The following GABPB2 variants were observed in gnomAD, a reference collection of about 807,000 sequenced individuals.
GABPB2 encodes GA binding protein transcription factor subunit beta 2, also known as GA-binding protein subunit beta-2.
GABPB2 carries 23 observed loss-of-function variants against 39.1 expected under a neutral mutation model. That is an observed-to-expected ratio of 0.59 (90% CI 0.42 to 0.83). GABPB2 has a LOEUF of 0.83. Among genes scored for constraint, GABPB2 ranks in the 40% least tolerant of loss-of-function variants. The probability of loss-of-function intolerance (pLI) is 0.00; values close to 1 mark genes in which losing one functional copy is unlikely to be tolerated. For missense variants in GABPB2, 467 were observed against 541.1 expected, an observed-to-expected ratio of 0.86 and a Z score of 1.36; for synonymous variants, 184 against 199.3, an observed-to-expected ratio of 0.92 and a Z score of 0.65.
At chr1:151,093,106 T>C (rs1678845819) in intron 3 of GABPB2, 86 bp from the exon 4 acceptor site, 4 of 1,057,954 alleles carry the variant, frequency 3.8e-6, no homozygotes, top group African/African-American at 1.6e-5. Flanking sequence ...GTAATCTCTA[T>C]GGAAATCCTC....
intron 7 of GABPB2, among the ~76,000 whole-genome samples, chr1:151,111,563 C>T (rs935074665): frequency 3.3e-5 from 5 of 152,016 alleles, no homozygotes; most frequent in Non-Finnish European, 5.9e-5. Flanking sequence ...GCTGGGACTA[C>T]AGGCGCCTGC....
rs925281448 is a variant in GABPB2 at position 151,095,326 on chromosome 1, AAGTT to A, written c.471+1943_471+1946del. ...TGGGAGTGGCAGATGCTAAGCTTGA[AAGTT>A]AGGCTGGATTCTGAATGTAGGGATG... On this transcript the variant is annotated intron_variant, in intron 4 of 8. Coordinates refer to ENST00000368918, the MANE Select transcript of GABPB2 (RefSeq NM_144618.3). Among the ~76,000 whole-genome samples, 30 of 152,186 alleles carry A rather than the reference AAGTT, an allele frequency of 2.0e-4. 1 individual carries two copies. The highest frequency in any genetic ancestry group is 4.8e-5 in the African/African-American group (2 of 41,448).
chr1:151,074,589 G>A (rs1472092161), intron 1 of GABPB2, among the ~76,000 whole-genome samples: 1 of 151,778 alleles, frequency 6.6e-6, no homozygotes, highest in African/African-American at 2.4e-5. Flanking sequence ...AAAGTGCTGG[G>A]ATTACAGGCG....
In GABPB2 at chr1:151,101,312, C is replaced by T. The variant is rs143243540; in HGVS notation, c.623-2250C>T. On this transcript the variant is annotated intron_variant, in intron 5 of 8. Coordinates refer to ENST00000368918, the MANE Select transcript of GABPB2 (RefSeq NM_144618.3). ...ATATATTGCTTAGTGTGCTGGCTCA[C>T]GCCTATAATCCCAGCACTTTGGGAG... Among the ~76,000 whole-genome samples the T allele has an allele frequency of 7.7e-3, 1,175 of 151,984 alleles. 17 individuals carry two copies. The highest frequency in any genetic ancestry group is 0.027 in the African/African-American group (1,122 of 41,484).
intron 6 of GABPB2, 116 bp downstream of exon 6, chr1:151,103,791 T>A: frequency 1.5e-6 from 1 of 688,936 alleles, no homozygotes; most frequent in Non-Finnish European, 2.4e-6. Context: ...TAGAGGCAGC[T>A]AAGGAAAAGG....
At chr1:151,109,364 A>ATATATATATATATTTT (rs779537595) in intron 7 of GABPB2, among the ~76,000 whole-genome samples, 7 of 112,392 alleles carry the variant, frequency 6.2e-5, no homozygotes, top group African/African-American at 2.4e-4. Context: ...ATATATATAT[A>ATATATATATATATTTT]TTTTTTTTTT....
At chr1:151,088,737 A>C (rs1305170484) in intron 2 of GABPB2, among the ~76,000 whole-genome samples, 2 of 152,220 alleles carry the variant, frequency 1.3e-5, no homozygotes, top group Non-Finnish European at 2.9e-5. Flanking sequence ...GTGGTGGCTC[A>C]CGCCTGTAAT....
At chr1:151,078,968 G>A (rs889159131) in intron 1 of GABPB2, among the ~76,000 whole-genome samples, 1 of 151,910 alleles carries the variant, frequency 6.6e-6, no homozygotes, top group Non-Finnish European at 1.5e-5. Flanking sequence ...CACTGTGCCT[G>A]GCTACATTTT....
intron 2 of GABPB2, 76 bp downstream of exon 2, chr1:151,088,373 CTA>C: frequency 7.4e-7 from 1 of 1,357,830 alleles, no homozygotes; most frequent in East Asian, 2.5e-5. Context: ...GGCTAACAGA[CTA>C]TTGGTTTTTC....
At chr1:151,096,074 A>G (rs1679077430) in intron 4 of GABPB2, among the ~76,000 whole-genome samples, 1 of 150,756 alleles carries the variant, frequency 6.6e-6, no homozygotes, top group Admixed American at 6.7e-5. Flanking sequence ...TATCCAAAGA[A>G]TGGATAACCT....
At chr1:151,077,356 G>T (rs1444371536) in intron 1 of GABPB2, among the ~76,000 whole-genome samples, 4 of 110,632 alleles carry the variant, frequency 3.6e-5, no homozygotes, top group South Asian at 3.1e-4. Flanking sequence ...CAACTCATAG[G>T]TTTTTTTTTT....
chr1:151,088,415 C>T (rs1571916936), intron 2 of GABPB2, 118 bp downstream of exon 2: 1 of 1,271,602 alleles, frequency 7.9e-7, no homozygotes, highest in Non-Finnish European at 1.1e-6. Flanking sequence ...ATATCCCTTA[C>T]AAGAGTTTTA....
At chr1:151,115,211 T>G (rs193234351) in intron 7 of GABPB2, among the ~76,000 whole-genome samples, 148 of 151,518 alleles carry the variant, frequency 9.8e-4, no homozygotes, top group African/African-American at 3.3e-3. Context: ...AAATACAAAA[T>G]TAGCCGAGTG....
intron 5 of GABPB2, among the ~76,000 whole-genome samples, chr1:151,102,003 A>G (rs1017487892): frequency 3.9e-5 from 6 of 152,196 alleles, no homozygotes; most frequent in African/African-American, 1.4e-4. Context: ...ATAAGAGAAG[A>G]AGGTTATGAA....
intron 4 of GABPB2, among the ~76,000 whole-genome samples, chr1:151,097,557 G>A (rs1679185412): frequency 6.6e-6 from 1 of 151,884 alleles, no homozygotes; most frequent in Non-Finnish European, 1.5e-5. Flanking sequence ...CAAGGTGGGC[G>A]ATTTGCCTGA....
At chr1:151,077,191 A>G (rs1301102486) in intron 1 of GABPB2, among the ~76,000 whole-genome samples, 2 of 152,142 alleles carry the variant, frequency 1.3e-5, no homozygotes, top group African/African-American at 4.8e-5. Flanking sequence ...TACAAAGCCA[A>G]TTAAAGCCCG....
At chr1:151,115,931 C>G (rs1208763032) in intron 7 of GABPB2, among the ~76,000 whole-genome samples, 3 of 149,096 alleles carry the variant, frequency 2.0e-5, no homozygotes, top group African/African-American at 7.4e-5. Context: ...GGAGAAACCT[C>G]ATCTCTATTA....
Position 151,118,457 on chromosome 1 carries a change from C to A in GABPB2, c.*201C>A. ...TTTAGGGAACATTTTTTCTGAGGGG[C>A]CAAAAGAATAAAGGACCAAATTTCT... On this transcript the variant is annotated 3_prime_UTR_variant, in exon 9 of 9. Coordinates refer to ENST00000368918, the MANE Select transcript of GABPB2 (RefSeq NM_144618.3). 2.0e-6 allele frequency: 1 copy of A among 495,250 alleles called. No individual in the cohort carries two copies. 30.7% of individuals were successfully genotyped at this position (495,250 alleles called of 1,614,324 possible).
At chr1:151,111,562 A>G (rs1343208714) in intron 7 of GABPB2, among the ~76,000 whole-genome samples, 2 of 151,828 alleles carry the variant, frequency 1.3e-5, no homozygotes, top group East Asian at 3.9e-4. Context: ...AGCTGGGACT[A>G]CAGGCGCCTG....
Sources: gnomAD v4.1 joint callset for allele counts (sites outside exome capture counted in the v4.1 genomes callset) on GRCh38, gnomAD v4.1.1 for gene constraint, MANE v1.5 for transcripts, NCBI Gene and HGNC (gene_info 2026-07-23, HGNC 2026-07-21) for gene names.